The following CHST11 variants were observed in gnomAD, a reference collection of about 807,000 sequenced individuals.
The protein encoded by CHST11 is carbohydrate sulfotransferase 11.
Under a neutral mutation model 30.4 loss-of-function variants are expected in CHST11, and 9 were observed. The observed-to-expected ratio is 0.30, with a 90% CI of 0.18 to 0.52. The LOEUF is 0.52. Ranked by LOEUF, CHST11 falls within the 20% of genes least tolerant of loss-of-function variation. CHST11 has a pLI of 0.97. For missense variants in CHST11, 348 were observed against 460.6 expected (o/e 0.76, Z 2.24); for synonymous variants, 152 against 187.8 (o/e 0.81, Z 1.56).
At chr12:104,514,315 G>T in intron 1 of CHST11, 1 of 932,832 alleles carries the variant, frequency 1.1e-6, no homozygotes. Flanking sequence ...CTGATCATTG[G>T]CTGTGCCAGA....
intron 2 of CHST11, among the ~76,000 whole-genome samples, chr12:104,717,017 A>G (rs921085979): frequency 4.6e-5 from 7 of 152,158 alleles, no homozygotes; most frequent in Admixed American, 1.3e-4. Context: ...TCCTTCTTGC[A>G]TCTTATCACT....
intron 1 of CHST11, among the ~76,000 whole-genome samples, chr12:104,571,438 C>T (rs955793579): frequency 9.2e-5 from 14 of 152,178 alleles, no homozygotes; most frequent in African/African-American, 3.4e-4. Flanking sequence ...GCTGGGATTA[C>T]AGGTCTGAGT....
chr12:104,542,283 C>A (rs1222291822), intron 1 of CHST11, among the ~76,000 whole-genome samples: 1 of 152,216 alleles, frequency 6.6e-6, no homozygotes, highest in East Asian at 1.9e-4. Flanking sequence ...AAAGCAGGGA[C>A]TTGAATGGAT....
chr12:104,578,460 A>G (rs2038706034), intron 1 of CHST11, among the ~76,000 whole-genome samples: 1 of 152,118 alleles, frequency 6.6e-6, no homozygotes, highest in African/African-American at 2.4e-5. Flanking sequence ...TTTCTGTTTG[A>G]GTGTCTTTCC....
chr12:104,519,824 C>T (rs1299667889), intron 1 of CHST11, among the ~76,000 whole-genome samples: 1 of 152,152 alleles, frequency 6.6e-6, no homozygotes, highest in East Asian at 1.9e-4. Flanking sequence ...GGGATGATTT[C>T]CTGTGCTGTG....
At chr12:104,632,011 C>A (rs1412883562) in intron 2 of CHST11, among the ~76,000 whole-genome samples, 1 of 152,178 alleles carries the variant, frequency 6.6e-6, no homozygotes, top group Non-Finnish European at 1.5e-5. Context: ...ACAGTAGATA[C>A]AACACCAACC....
At chr12:104,749,886 A>C (rs893803869) in intron 2 of CHST11, among the ~76,000 whole-genome samples, 1 of 152,240 alleles carries the variant, frequency 6.6e-6, no homozygotes, top group Non-Finnish European at 1.5e-5. Flanking sequence ...TCATAAACCA[A>C]GGTTCAAGAA....
chr12:104,581,238 G>T (rs17035879), intron 1 of CHST11, among the ~76,000 whole-genome samples: 26,403 of 152,172 alleles, frequency 0.17, 3,730 homozygotes, highest in African/African-American at 0.4. Flanking sequence ...GTGTTGACTT[G>T]CATTAGCTTC....
intron 2 of CHST11, among the ~76,000 whole-genome samples, chr12:104,745,499 A>G (rs1215001129): frequency 1.3e-5 from 2 of 152,224 alleles, no homozygotes; most frequent in African/African-American, 4.8e-5. Flanking sequence ...TTTAATAGGA[A>G]TAGCATTGAA....
At chr12:104,494,260 T>C (rs948056086) in intron 1 of CHST11, among the ~76,000 whole-genome samples, 8 of 152,178 alleles carry the variant, frequency 5.3e-5, no homozygotes, top group Non-Finnish European at 1.2e-4. Flanking sequence ...AGACAGAGCC[T>C]GCACCACGAA....
At chr12:104,587,214 C>T (rs921910966) in intron 1 of CHST11, among the ~76,000 whole-genome samples, 18 of 152,090 alleles carry the variant, frequency 1.2e-4, no homozygotes, top group Non-Finnish European at 2.4e-4. Context: ...CTTTAAATTT[C>T]GAATCTTACT....
chr12:104,627,269 T>A (rs2039225281), intron 2 of CHST11, among the ~76,000 whole-genome samples: 1 of 152,206 alleles, frequency 6.6e-6, no homozygotes. Flanking sequence ...GCTTCCAAGT[T>A]TTGGCAATTA....
At chr12:104,578,063 G>C (rs2038702603) in intron 1 of CHST11, among the ~76,000 whole-genome samples, 1 of 152,192 alleles carries the variant, frequency 6.6e-6, no homozygotes, top group South Asian at 2.1e-4. Flanking sequence ...CTTCACAGCG[G>C]TAGAAGGGAG....
chr12:104,715,928 A>G (rs1475225987), intron 2 of CHST11, among the ~76,000 whole-genome samples: 1 of 152,192 alleles, frequency 6.6e-6, no homozygotes, highest in East Asian at 1.9e-4. Context: ...CTATAGCAGT[A>G]TTAGATCCGC....
chr12:104,498,923 A>G (rs1364125848), intron 1 of CHST11, among the ~76,000 whole-genome samples: 1 of 152,190 alleles, frequency 6.6e-6, no homozygotes, highest in Non-Finnish European at 1.5e-5. Flanking sequence ...AAGGTGATTC[A>G]ACTTTGAATT....
At chr12:104,599,394 G>T (rs11608891) in intron 1 of CHST11, among the ~76,000 whole-genome samples, 31,951 of 152,200 alleles carry the variant, frequency 0.21, 4,031 homozygotes, top group Admixed American at 0.28. Flanking sequence ...CGATGAGCCC[G>T]TCTGCCGCCA....
intron 2 of CHST11, among the ~76,000 whole-genome samples, chr12:104,614,549 T>A (rs1046800421): frequency 6.6e-6 from 1 of 152,122 alleles, no homozygotes; most frequent in Non-Finnish European, 1.5e-5. Flanking sequence ...TAAAAAAATT[T>A]AAAAAATTAT....
chr12:104,459,776 C>A (rs527559553), intron 1 of CHST11, among the ~76,000 whole-genome samples: 22 of 152,278 alleles, frequency 1.4e-4, no homozygotes, highest in African/African-American at 5.3e-4. Context: ...TCCTTTATGT[C>A]CCCCTCTAGT....
At chr12:104,569,762 A>T (rs1392362164) in intron 1 of CHST11, among the ~76,000 whole-genome samples, 1 of 152,116 alleles carries the variant, frequency 6.6e-6, no homozygotes, top group Non-Finnish European at 1.5e-5. Context: ...ATTGAAGGTG[A>T]TGTTGGTGCA....
Sources: allele counts gnomAD v4.1 joint callset (sites outside exome capture counted in the v4.1 genomes callset), GRCh38; gene constraint gnomAD v4.1.1; transcripts MANE v1.5; gene names NCBI Gene and HGNC (gene_info 2026-07-23, HGNC 2026-07-21).